The following TENM2 variants were observed in gnomAD, a reference collection of about 807,000 sequenced individuals.
TENM2 encodes the protein teneurin transmembrane protein 2, also known as teneurin-2.
TENM2 carries 52 observed loss-of-function variants against 245.2 expected under a neutral mutation model. That is an observed-to-expected ratio of 0.21 (90% CI 0.17 to 0.27). TENM2 has a LOEUF of 0.27. Ranked by LOEUF, TENM2 falls within the 10% of genes least tolerant of loss-of-function variation. The probability of loss-of-function intolerance (pLI) is 1.00; values close to 1 mark genes in which losing one functional copy is unlikely to be tolerated. For missense variants in TENM2, 3,046 were observed against 3,666.8 expected (o/e 0.83, Z 4.37); for synonymous variants, 1,363 against 1,438.9 (o/e 0.95, Z 1.19).
chr5:167,313,043 C>T (rs367564869), intron 1 of TENM2, among the ~76,000 whole-genome samples: 2 of 151,932 alleles, frequency 1.3e-5, no homozygotes, highest in African/African-American at 2.4e-5. Flanking sequence ...GCTGGGATTA[C>T]AGGCACGCAC....
chr5:167,317,447 C>T (rs1199975390), intron 1 of TENM2, among the ~76,000 whole-genome samples: 1 of 152,142 alleles, frequency 6.6e-6, no homozygotes, highest in Non-Finnish European at 1.5e-5. Context: ...ATCAACCCTA[C>T]AGTTAATCAC....
rs78538850 is a variant in TENM2, at chr5:167,341,445, C to G, written c.227-33753C>G. Among the ~76,000 whole-genome samples the G allele has an allele frequency of 6.5e-3, 987 of 152,094 alleles. 7 individuals carry two copies. The highest frequency in any genetic ancestry group is 0.022 in the African/African-American group (925 of 41,504). ...TAAACTGAATTATCTAGTACTTTGG[C>G]AAAGGACAAATTTTACAGCTTCTTT... On this transcript the variant is annotated intron_variant, in intron 1 of 28. Transcript: ENST00000518659.
intron 3 of TENM2, among the ~76,000 whole-genome samples, chr5:167,902,232 A>C (rs1441181153): frequency 6.6e-6 from 1 of 152,186 alleles, no homozygotes; most frequent in Non-Finnish European, 1.5e-5. Context: ...TGAGTATGAA[A>C]GATACCAGAC....
At chr5:167,763,645 G>T (rs2150723845) in intron 2 of TENM2, among the ~76,000 whole-genome samples, 1 of 152,280 alleles carries the variant, frequency 6.6e-6, no homozygotes, top group Admixed American at 6.5e-5. Flanking sequence ...GGGAGAGTTT[G>T]CTAACTTCAT....
At chr5:168,062,063 C>G (rs1237833509) in exon 7 of TENM2, 4 of 1,605,664 alleles carry the variant, frequency 2.5e-6, no homozygotes, top group Middle Eastern at 2.0e-4. Context: ...TTTTCAGTGC[C>G]CTGGTCGTTG....
chr5:167,609,373 G>T (rs1014050785), intron 2 of TENM2, among the ~76,000 whole-genome samples: 11 of 151,746 alleles, frequency 7.2e-5, no homozygotes, highest in African/African-American at 2.7e-4. Flanking sequence ...TGGCCTGTGT[G>T]GGCCACGCAT....
At chr5:167,069,772 GT>G in the TENM2 span, among the ~76,000 whole-genome samples, 1 of 152,114 alleles carries the variant, frequency 6.6e-6, no homozygotes, top group South Asian at 2.1e-4. Context: ...CATTTAGATA[GT>G]TTTGTAATGA....
intron 2 of TENM2, among the ~76,000 whole-genome samples, chr5:167,711,999 A>G (rs1758942099): frequency 6.6e-6 from 1 of 152,202 alleles, no homozygotes; most frequent in African/African-American, 2.4e-5. Context: ...TTTAATCCTT[A>G]TCATATCTAT....
intron 2 of TENM2, among the ~76,000 whole-genome samples, chr5:167,449,551 GATA>G: frequency 6.7e-6 from 1 of 149,860 alleles, no homozygotes; most frequent in African/African-American, 2.5e-5. Flanking sequence ...TAGATAGATA[GATA>G]GATAGATAGA....
At chr5:167,282,622 A>T (rs2127705223), upstream of TENM2, among the ~76,000 whole-genome samples, 1 of 152,304 alleles carries the variant, frequency 6.6e-6, no homozygotes, top group Middle Eastern at 3.4e-3. Flanking sequence ...ATTATTTTCT[A>T]TTTCAGCTGA....
At chr5:167,113,603 A>G in the TENM2 span, among the ~76,000 whole-genome samples, 2 of 151,268 alleles carry the variant, frequency 1.3e-5, no homozygotes, top group East Asian at 2.0e-4. Context: ...TGATCACACC[A>G]CTGTATTTCA....
chr5:167,513,622 C>T (rs992544768), intron 2 of TENM2, among the ~76,000 whole-genome samples: 11 of 152,108 alleles, frequency 7.2e-5, no homozygotes, highest in Admixed American at 5.9e-4. Flanking sequence ...AGAGCAGGTG[C>T]GCTTGACAGG....
intron 27 of TENM2, among the ~76,000 whole-genome samples, chr5:168,256,808 A>G (rs778934279): frequency 9.2e-5 from 14 of 152,202 alleles, no homozygotes; most frequent in Admixed American, 6.5e-5. Context: ...AGGAAGGTGG[A>G]TAGATCAAAG....
chr5:167,534,409 G>T (rs1414225522), intron 2 of TENM2, among the ~76,000 whole-genome samples: 1 of 152,154 alleles, frequency 6.6e-6, no homozygotes, highest in African/African-American at 2.4e-5. Flanking sequence ...TGTGCAAATT[G>T]CCTTTGGATT....
At chr5:168,248,363 A>G (rs1420409758) in exon 27 of TENM2, 3 of 1,611,742 alleles carry the variant, frequency 1.9e-6, no homozygotes, top group Non-Finnish European at 2.5e-6. Flanking sequence ...TTGAAGAACT[A>G]CGTGACAGGT....
chr5:168,004,517 G>GTGCGCGCACA (rs1554170146), intron 5 of TENM2, among the ~76,000 whole-genome samples: 1 of 132,152 alleles, frequency 7.6e-6, no homozygotes, highest in African/African-American at 3.0e-5. Context: ...GCGCGCGCGC[G>GTGCGCGCACA]CACACACACA....
At chr5:167,743,099 C>T (rs1414055008) in intron 2 of TENM2, among the ~76,000 whole-genome samples, 1 of 152,166 alleles carries the variant, frequency 6.6e-6, no homozygotes, top group Non-Finnish European at 1.5e-5. Context: ...AACATACACA[C>T]CTACACATGG....
Position 167,762,182 on chromosome 5 carries a change from C to A in TENM2, c.503-113804C>A, listed in dbSNP as rs548719032. Among the ~76,000 whole-genome samples, 4 of 152,272 alleles carry A rather than the reference C, an allele frequency of 2.6e-5. No individual in the cohort carries two copies. The East Asian group carries it at 5.8e-4, about 22-fold the overall frequency. ...ACATGCATATAAACACACACGTGCA[C>A]GTGCATGGATACGCAGCTCTAAGGT... On this transcript the variant is annotated intron_variant, in intron 2 of 28. Transcript: ENST00000518659.
intron 2 of TENM2, among the ~76,000 whole-genome samples, chr5:167,665,470 AAG>A (rs1755512456): frequency 6.6e-6 from 1 of 152,158 alleles, no homozygotes; most frequent in Non-Finnish European, 1.5e-5. Flanking sequence ...TATACTGTGA[AAG>A]AATTTTAAAT....
Sources: gnomAD v4.1 joint callset for allele counts (sites outside exome capture counted in the v4.1 genomes callset) on GRCh38, gnomAD v4.1.1 for gene constraint, MANE v1.5 for transcripts, NCBI Gene and HGNC (gene_info 2026-07-23, HGNC 2026-07-21) for gene names.